LCP1: variants seen among roughly 807,000 people sequenced by gnomAD.
LCP1 encodes the protein plastin-2.
A neutral mutation model predicts 72.0 loss-of-function variants in LCP1; 23 were observed. The observed-to-expected ratio is 0.32, with a 90% CI of 0.23 to 0.45. The LOEUF is 0.45. Ranked by LOEUF, LCP1 falls within the 20% of genes least tolerant of loss-of-function variation. The pLI, the probability that LCP1 is intolerant of heterozygous loss-of-function variation, is 1.00. For synonymous variants in LCP1, 245 were observed against 275.4 expected (o/e 0.89, Z 1.09); for missense variants, 571 against 748.3 (o/e 0.76, Z 2.76).
chr13:46,179,166 G>A (rs1209737662), intron 1 of LCP1, among the ~76,000 whole-genome samples: 1 of 152,122 alleles, frequency 6.6e-6, no homozygotes, highest in Non-Finnish European at 1.5e-5. Flanking sequence ...GTTAGTCATT[G>A]TACAATTTTT....
At chr13:46,165,559 C>A (rs1437220809) in intron 1 of LCP1, among the ~76,000 whole-genome samples, 1 of 152,130 alleles carries the variant, frequency 6.6e-6, no homozygotes, top group Admixed American at 6.5e-5. Flanking sequence ...AATGGGCATG[C>A]TGAGGCATCT....
Position 46,150,946 on chromosome 13 carries a change from G to A in LCP1, c.872C>T (p.Thr291Ile), listed in dbSNP as rs1311839674. The change falls in exon 8 of 16, where the codon ACT (threonine) becomes ATT (isoleucine). Residue 291 changes from threonine to isoleucine, a missense_variant. Transcript: ENST00000323076. ...AGCNKIGNFS[T>I]DIKDSKAYYH... ...CAACGCTCCTCCTACCTTGATGTCA[G>A]TACTGAAGTTGCCAATTTTGTTGCA... is the stretch of plus-strand genomic sequence containing the variant. The A allele has an allele frequency of 6.2e-7, 1 of 1,613,848 alleles. No homozygotes were observed. Among genetic ancestry groups the A allele is most frequent in the Non-Finnish European group, 8.5e-7 (1 of 1,179,798 alleles).
intron 1 of LCP1, among the ~76,000 whole-genome samples, chr13:46,177,048 A>T (rs1269021345): frequency 6.6e-6 from 1 of 152,228 alleles, no homozygotes; most frequent in Non-Finnish European, 1.5e-5. Flanking sequence ...CAGAAAGAAC[A>T]ACTGACCATC....
chr13:46,174,304 A>C (rs2045917708), intron 1 of LCP1, among the ~76,000 whole-genome samples: 1 of 151,842 alleles, frequency 6.6e-6, no homozygotes, highest in African/African-American at 2.4e-5. Flanking sequence ...CTTTATCTTC[A>C]TTTTTTTTAA....
intron 1 of LCP1, among the ~76,000 whole-genome samples, chr13:46,170,045 C>G (rs529948985): frequency 6.6e-6 from 1 of 152,280 alleles, no homozygotes; most frequent in East Asian, 1.9e-4. Flanking sequence ...GTGTCTGGCC[C>G]ATGTGAGGTA....
At chr13:46,158,382 A>G in intron 4 of LCP1, 140 bp downstream of exon 4, 1 of 827,256 alleles carries the variant, frequency 1.2e-6, no homozygotes, top group Non-Finnish European at 1.9e-6. Flanking sequence ...CCCAGAACTG[A>G]CCCACTTAGT....
chr13:46,164,947 C>A (rs73189833), intron 1 of LCP1, among the ~76,000 whole-genome samples: 1 of 152,130 alleles, frequency 6.6e-6, no homozygotes, highest in African/African-American at 2.4e-5. Context: ...TTAAAAGGGC[C>A]CCTAAGGTCC....
Position 46,127,604 on chromosome 13 carries a change from A to T in LCP1, c.1871T>A (p.Met624Lys). ...CCCCATTGGGCCTCACACCCTCTTC[A>T]TTCCTTTCCCCATGAGGCAGGCAAA... ...TVFACLMGKG[M>K]KRV The change falls in exon 16 of 16, where the codon ATG (methionine) becomes AAG (lysine). Residue 624 changes from methionine (M) to lysine (K), a missense_variant. By Grantham distance (95) the Met-to-Lys change is moderately conservative. Coordinates refer to ENST00000323076, the MANE Select transcript of LCP1 (RefSeq NM_002298.5). 1 of 1,614,056 alleles carries T rather than the reference A, an allele frequency of 6.2e-7. No homozygotes were observed. The highest frequency in any genetic ancestry group is 8.5e-7 in the Non-Finnish European group (1 of 1,180,006).
intron 2 of LCP1, 107 bp downstream of exon 2, chr13:46,159,492 T>A: frequency 1.2e-6 from 1 of 857,210 alleles, no homozygotes; most frequent in Non-Finnish European, 1.9e-6. Context: ...ACTACTGGTT[T>A]CTTGTCATCT....
chr13:46,136,019 T>A (rs1039016402), intron 13 of LCP1, among the ~76,000 whole-genome samples: 3 of 151,894 alleles, frequency 2.0e-5, no homozygotes, highest in African/African-American at 7.3e-5. Flanking sequence ...AGTATTCTTT[T>A]CCAGCACATC....
At position 46,150,944 on chromosome 13, in the gene LCP1, C is replaced by T; in HGVS notation, c.874G>A (p.Asp292Asn). 9.9e-6 allele frequency: 16 copies of T among 1,613,614 alleles called. No individual in the cohort carries two copies. The highest frequency in any genetic ancestry group is 1.3e-5 in the African/African-American group (1 of 75,014). The change falls in exon 8 of 16, where the codon GAC becomes AAC. Residue 292 changes from aspartate (D) to asparagine (N), a missense_variant. Physicochemically the swap from Asp to Asn is conservative, Grantham distance 23. Coordinates refer to ENST00000323076, the MANE Select transcript of LCP1 (RefSeq NM_002298.5). ...AACAACGCTCCTCCTACCTTGATGT[C>T]AGTACTGAAGTTGCCAATTTTGTTG... The part of the protein sequence containing the change: ...GCNKIGNFST[D>N]IKDSKAYYHL...
intron 13 of LCP1, among the ~76,000 whole-genome samples, chr13:46,136,185 C>T (rs2045664191): frequency 6.6e-6 from 1 of 152,092 alleles, no homozygotes; most frequent in South Asian, 2.1e-4. Flanking sequence ...CTCCTTCTGC[C>T]TCCTGCTTCT....
intron 13 of LCP1, among the ~76,000 whole-genome samples, chr13:46,135,126 A>AG (rs2045657347): frequency 2.1e-5 from 1 of 47,794 alleles, no homozygotes. Context: ...AAAAAAAAGA[A>AG]AAAAAAAAAA....
intron 15 of LCP1, among the ~76,000 whole-genome samples, chr13:46,128,167 A>C (rs75144352): frequency 0.017 from 2,567 of 152,218 alleles, 70 homozygotes; most frequent in African/African-American, 0.059. Flanking sequence ...TCACACCAGG[A>C]GTATTCTCTT....
At chr13:46,166,151 T>C (rs931318306) in intron 1 of LCP1, among the ~76,000 whole-genome samples, 1 of 152,048 alleles carries the variant, frequency 6.6e-6, no homozygotes, top group Non-Finnish European at 1.5e-5. Flanking sequence ...AGAAACAATT[T>C]GTGGGAGTTT....
intron 4 of LCP1, among the ~76,000 whole-genome samples, chr13:46,157,716 T>C (rs2045811612): frequency 3.3e-5 from 5 of 151,494 alleles, no homozygotes; most frequent in African/African-American, 1.2e-4. Flanking sequence ...TTAGCAACTA[T>C]AGATGGTATT....
At chr13:46,164,906 T>C (rs184018819) in intron 1 of LCP1, among the ~76,000 whole-genome samples, 11 of 152,178 alleles carry the variant, frequency 7.2e-5, no homozygotes, top group Admixed American at 5.9e-4. Context: ...CAGGTGCTGA[T>C]GAGCAGAGCA....
chr13:46,127,448 A>T lies in LCP1; in HGVS notation c.*143T>A. The T allele has an allele frequency of 1.0e-6, 1 of 960,984 alleles. No homozygotes were observed. Among genetic ancestry groups the T allele is most frequent in the South Asian group, 1.7e-5 (1 of 58,350 alleles). The allele number at this position is 960,984 out of a possible 1,614,324, so 59.5% of individuals were successfully genotyped here. On this transcript the variant is annotated 3_prime_UTR_variant, in exon 16 of 16. Transcript: ENST00000323076. ...CTTTTTGTTAAATACAGGAGAGGCTACTTGGCTGCACTAATATGTGCTTTT... is the reference window on the plus strand; with the variant it reads ...CTTTTTGTTAAATACAGGAGAGGCTTCTTGGCTGCACTAATATGTGCTTTT...
intron 14 of LCP1, among the ~76,000 whole-genome samples, chr13:46,133,411 A>G (rs2045644986): frequency 6.6e-6 from 1 of 152,192 alleles, no homozygotes; most frequent in Non-Finnish European, 1.5e-5. Flanking sequence ...GGATCTCTGG[A>G]GGCCAGGAAT....
Sources: gnomAD v4.1 joint callset for allele counts (sites outside exome capture counted in the v4.1 genomes callset) on GRCh38, gnomAD v4.1.1 for gene constraint, MANE v1.5 for transcripts, NCBI Gene and HGNC (gene_info 2026-07-23, HGNC 2026-07-21) for gene names.